Variants in TMEM74 observed in about 807,000 individuals in gnomAD.
The protein encoded by TMEM74 is transmembrane protein 74.
A neutral mutation model predicts 18.1 loss-of-function variants in TMEM74; 13 were observed. The ratio of observed to expected loss-of-function variants is 0.72; its 90% confidence interval spans 0.47 to 1.14. TMEM74 has a LOEUF of 1.14. TMEM74 is among the 50% of genes most tolerant of loss of function. TMEM74 has a pLI of 0.00. For synonymous variants in TMEM74, 159 were observed against 146.6 expected (o/e 1.08, Z -0.61); for missense variants, 372 against 375.9 (o/e 0.99, Z 0.09).
intron 2 of TMEM74, among the ~76,000 whole-genome samples, chr8:108,619,725 A>G (rs1812420564): frequency 6.6e-6 from 1 of 152,158 alleles, no homozygotes. Flanking sequence ...AGTTATTTAC[A>G]TATATGCATG....
chr8:108,673,363 G>C (rs1813022129), intron 1 of TMEM74, among the ~76,000 whole-genome samples: 1 of 152,162 alleles, frequency 6.6e-6, no homozygotes, highest in South Asian at 2.1e-4. Context: ...ATTGTCACAT[G>C]ATCTCAGACA....
At chr8:108,750,061 TC>T (rs1386366400) in intron 1 of TMEM74, among the ~76,000 whole-genome samples, 7 of 152,226 alleles carry the variant, frequency 4.6e-5, no homozygotes. Context: ...TAACTCATGA[TC>T]CTTTTCAGCA....
At chr8:108,625,205 A>G (rs1411488696) in intron 2 of TMEM74, among the ~76,000 whole-genome samples, 2 of 152,002 alleles carry the variant, frequency 1.3e-5, no homozygotes, top group East Asian at 3.9e-4. Context: ...TGGAAGAGGG[A>G]ACACACAGAT....
chr8:108,619,910 G>C (rs1812422663), intron 2 of TMEM74, among the ~76,000 whole-genome samples: 1 of 152,114 alleles, frequency 6.6e-6, no homozygotes, highest in Non-Finnish European at 1.5e-5. Flanking sequence ...GTCTATGTTG[G>C]AATCAGAGAC....
chr8:108,700,399 G>C (rs900342842), intron 1 of TMEM74, among the ~76,000 whole-genome samples: 1 of 152,112 alleles, frequency 6.6e-6, no homozygotes, highest in Non-Finnish European at 1.5e-5. Flanking sequence ...GCTGCTCTTG[G>C]TGTACTTTAA....
intron 1 of TMEM74, among the ~76,000 whole-genome samples, chr8:108,685,570 T>A (rs1442228536): frequency 6.6e-6 from 1 of 152,156 alleles, no homozygotes; most frequent in Non-Finnish European, 1.5e-5. Flanking sequence ...TAATACTTAA[T>A]AGGGGAACAT....
rs1021818787 is a variant in TMEM74, at chr8:108,781,529, A to G, written c.*2652T>C. Among the ~76,000 whole-genome samples the G allele has an allele frequency of 6.6e-6, 1 of 152,234 alleles. No homozygotes were observed. Among genetic ancestry groups the G allele is most frequent in the Non-Finnish European group, 1.5e-5 (1 of 68,040 alleles). On this transcript the variant is annotated 3_prime_UTR_variant, in exon 2 of 2. Transcript: ENST00000297459. ...CAGGGAAAAGTCGATTAAGGCAAGT[A>G]TCTGAATAATGTCACCACAGCCCAA...
At chr8:108,720,373 A>T (rs1330638428) in intron 1 of TMEM74, among the ~76,000 whole-genome samples, 2 of 152,228 alleles carry the variant, frequency 1.3e-5, no homozygotes, top group East Asian at 3.8e-4. Flanking sequence ...TATTGTGGGA[A>T]ATGGTTAAAT....
chr8:108,721,580 C>T (rs915471243), intron 1 of TMEM74, among the ~76,000 whole-genome samples: 4 of 152,256 alleles, frequency 2.6e-5, no homozygotes, highest in African/African-American at 9.6e-5. Flanking sequence ...CCAGTCTCAA[C>T]TAACCATCCT....
chr8:108,646,083 T>C (rs1490452652), intron 2 of TMEM74, among the ~76,000 whole-genome samples: 2 of 145,762 alleles, frequency 1.4e-5, no homozygotes, highest in Admixed American at 7.0e-5. Flanking sequence ...TTCACGAAGT[T>C]TTTTTTTTTT....
At chr8:108,776,211 C>T (rs112591741), downstream of TMEM74, among the ~76,000 whole-genome samples, 2,738 of 152,268 alleles carry the variant, frequency 0.018, 89 homozygotes, top group African/African-American at 0.062. Flanking sequence ...AAGATAATTA[C>T]GCTGGGCACC....
At chr8:108,639,921 T>C (rs981865864) in intron 2 of TMEM74, among the ~76,000 whole-genome samples, 5 of 152,050 alleles carry the variant, frequency 3.3e-5, no homozygotes, top group Non-Finnish European at 7.4e-5. Flanking sequence ...TGCACTAATT[T>C]AAAATAATTT....
chr8:108,669,240 C>A (rs1812978725), intron 1 of TMEM74, among the ~76,000 whole-genome samples: 1 of 152,090 alleles, frequency 6.6e-6, no homozygotes, highest in African/African-American at 2.4e-5. Flanking sequence ...ACCCTCAAAG[C>A]ATTATTTTCT....
intron 1 of TMEM74, among the ~76,000 whole-genome samples, chr8:108,720,751 T>TTTAC (rs1813578990): frequency 1.6e-5 from 1 of 61,530 alleles, no homozygotes; most frequent in Non-Finnish European, 3.4e-5. Flanking sequence ...TATTTATTTA[T>TTTAC]TTATTAGTTT....
At chr8:108,776,562 G>T (rs1814235464), downstream of TMEM74, among the ~76,000 whole-genome samples, 1 of 152,186 alleles carries the variant, frequency 6.6e-6, no homozygotes, top group South Asian at 2.1e-4. Context: ...ACTATTCAAG[G>T]TCTAGAAGAT....
chr8:108,657,860 AT>A (rs375581930), intron 1 of TMEM74, among the ~76,000 whole-genome samples: 6,747 of 45,290 alleles, frequency 0.15, 1,258 homozygotes, highest in Middle Eastern at 0.17. Flanking sequence ...AAAAAAAAAA[AT>A]ATATATATAT....
Position 108,784,373 on chromosome 8 carries a change from CCCCAGCGTGAGGAG to C in TMEM74, c.712_725del (p.Leu238GlyfsTer46). On this transcript the variant is annotated frameshift_variant, in exon 2 of 2. Coordinates refer to ENST00000297459, the MANE Select transcript of TMEM74 (RefSeq NM_153015.3). LOFTEE classifies it high-confidence loss of function. ...TTAACAAGCAGGACAGGATGACGCC[CCCCAGCGTGAGGAG>C]GCAGAGCCCCGCAATCACACAGCGG... is the stretch of plus-strand genomic sequence containing the variant. 6.2e-7 allele frequency: 1 copy of C among 1,614,110 alleles called. No homozygotes were observed. The highest frequency in any genetic ancestry group is 8.5e-7 in the Non-Finnish European group (1 of 1,180,040).
At chr8:108,632,997 G>C (rs1812570245) in intron 2 of TMEM74, among the ~76,000 whole-genome samples, 1 of 151,982 alleles carries the variant, frequency 6.6e-6, no homozygotes, top group South Asian at 2.1e-4. Flanking sequence ...CTGGGAAGAA[G>C]AGTGTTCAAA....
At chr8:108,679,812 A>G (rs1262961644) in intron 1 of TMEM74, among the ~76,000 whole-genome samples, 1 of 152,150 alleles carries the variant, frequency 6.6e-6, no homozygotes. Context: ...TTAGACATGA[A>G]GTCCTTGCCC....
Sources: allele counts gnomAD v4.1 joint callset (sites outside exome capture counted in the v4.1 genomes callset), GRCh38; gene constraint gnomAD v4.1.1; transcripts MANE v1.5; gene names NCBI Gene and HGNC (gene_info 2026-07-23, HGNC 2026-07-21).